MUC5AC: variants seen among roughly 807,000 people sequenced by gnomAD.
MUC5AC encodes the protein mucin-5AC.
In MUC5AC, 158 loss-of-function variants were observed where a neutral mutation model predicts 169.7. The observed-to-expected ratio is 0.93, with a 90% CI of 0.82 to 1.06. The LOEUF is 1.06. Ranked by LOEUF, MUC5AC falls within the 50% of genes least tolerant of loss-of-function variation. MUC5AC has a pLI of 0.00. For synonymous variants in MUC5AC, 1,975 were observed against 1,237.0 expected (o/e 1.60, Z -12.52); for missense variants, 4,359 against 3,089.9 (o/e 1.41, Z -9.74).
At chr11:1,173,135 C>G (rs1860588865) in intron 16 of MUC5AC, among the ~76,000 whole-genome samples, 1 of 152,170 alleles carries the variant, frequency 6.6e-6, no homozygotes, top group Non-Finnish European at 1.5e-5. Context: ...CTGACTCATT[C>G]ACTCATTTAC....
In MUC5AC at chr11:1,200,688, T is replaced by TC. The variant is rs750537293; in HGVS notation, c.16956dup (p.Met5653HisfsTer21). On this transcript the variant is annotated frameshift_variant, in exon 49 of 49. Coordinates refer to ENST00000621226, the MANE Select transcript of MUC5AC (RefSeq NM_001304359.2). LOFTEE classifies it high-confidence loss of function. The stretch of plus-strand genomic sequence containing the variant: ...GAGCTGGGAGAGAGGCGTCCCAGTG[T>TC]CCCCCATGCACTGACCAGCACTGCC... 8 of 757,988 alleles carry TC rather than the reference T, an allele frequency of 1.1e-5. No individual in the cohort carries two copies. The highest frequency in any genetic ancestry group is 2.4e-6 in the Non-Finnish European group (1 of 413,526). 47.0% of individuals were successfully genotyped at this position (757,988 alleles called of 1,614,324 possible).
chr11:1,182,439 G>C lies in MUC5AC; in HGVS notation c.4294G>C (p.Glu1432Gln). Residue 1432 changes from glutamate (E) to glutamine (Q), a missense_variant, in exon 31 of 49, where the codon GAG becomes CAG. Coordinates refer to ENST00000621226, the MANE Select transcript of MUC5AC (RefSeq NM_001304359.2). Reference sequence around the variant, plus strand: ...ACCCAGGTCGGTGGAGTGCCGAGCTGAGGACGCCCCCGGAGTGCCGCTCCG... The same window carrying C: ...ACCCAGGTCGGTGGAGTGCCGAGCTCAGGACGCCCCCGGAGTGCCGCTCCG... ...ESPRSVECRA[E>Q]DAPGVPLRAL... 2.5e-6 allele frequency: 1 copy of C among 398,682 alleles called. No homozygotes were observed. Among genetic ancestry groups the C allele is most frequent in the Non-Finnish European group, 4.4e-6 (1 of 226,106 alleles). The allele number at this position is 398,682 out of a possible 1,614,324, so 24.7% of individuals were successfully genotyped here.
chr11:1,186,636 G>C lies in MUC5AC; in HGVS notation c.8491G>C (p.Gly2831Arg). The C allele has an allele frequency of 1.4e-6, 1 of 731,890 alleles. No homozygotes were observed. The highest frequency in any genetic ancestry group is 2.5e-5 in the East Asian group (1 of 39,616). 45.3% of individuals were successfully genotyped at this position (731,890 alleles called of 1,614,324 possible). ...TSAPTTSTTS[G>R]PGTTSSPVPT... Reference sequence around the variant, plus strand: ...GGCTCCTACAACCAGCACAACTTCTGGTCCTGGAACTACTTCAAGCCCTGT... The same window carrying C: ...GGCTCCTACAACCAGCACAACTTCTCGTCCTGGAACTACTTCAAGCCCTGT... Residue 2831 changes from glycine (G) to arginine (R), a missense_variant, in exon 31 of 49, where the codon GGT becomes CGT. Gly to Arg is a moderately radical substitution (Grantham distance 125). Transcript: ENST00000621226.
chr11:1,192,881 C>T lies in MUC5AC; in HGVS notation c.14479C>T (p.Pro4827Ser), dbSNP rs1395405745. ...QVVRGVDSDC[P>S]STTLPPAPAT... ...GGTCAGAGGGGTTGACAGTGACTGT[C>T]CGTCCACCACGCTGCCTCCTGCCCC... Residue 4827 changes from proline to serine, a missense_variant, in exon 32 of 49, where the codon CCG becomes TCG. By Grantham distance (74) the Pro-to-Ser change is moderately conservative. Coordinates refer to ENST00000621226, the MANE Select transcript of MUC5AC (RefSeq NM_001304359.2). 2.6e-6 allele frequency: 2 copies of T among 764,608 alleles called. No individual in the cohort carries two copies. The highest frequency in any genetic ancestry group is 2.4e-6 in the Non-Finnish European group (1 of 417,744). 47.4% of individuals were successfully genotyped at this position (764,608 alleles called of 1,614,324 possible). A position where few individuals can be genotyped will look rare whatever the true frequency, so the allele number is the denominator to read the frequency against.
At chr11:1,176,086 T>G (rs1860679055) in intron 19 of MUC5AC, 65 bp from the exon 20 acceptor site, 4 of 384,018 alleles carry the variant, frequency 1.0e-5, no homozygotes, top group Non-Finnish European at 1.8e-5. Context: ...ACGTCCTCCC[T>G]GAACACATGT....
rs1861042892 is a variant in MUC5AC at position 1,189,737 on chromosome 11, C to G, written c.11592C>G (p.Thr3864=). 1.5e-6 allele frequency: 1 copy of G among 655,844 alleles called. No homozygotes were observed. Among genetic ancestry groups the G allele is most frequent in the Admixed American group, 2.2e-5 (1 of 46,284 alleles). 40.6% of individuals were successfully genotyped at this position (655,844 alleles called of 1,614,324 possible). The change falls in exon 31 of 49, where the codon ACC becomes ACG. Residue 3864 remains threonine, a synonymous_variant. Coordinates refer to ENST00000621226, the MANE Select transcript of MUC5AC (RefSeq NM_001304359.2). The part of the protein sequence containing the change: ...SISSAPTSST[T]SAPTASTISA... ...CCTCTGCCCCTACAAGCAGCACAAC[C>G]TCTGCTCCTACAGCCAGCACAATCT...
At chr11:1,175,911 A>C (rs1173376916) in intron 19 of MUC5AC, among the ~76,000 whole-genome samples, 1 of 138,132 alleles carries the variant, frequency 7.2e-6, no homozygotes, top group African/African-American at 2.8e-5. Flanking sequence ...ACATGCACAC[A>C]CACCCACTCA....
rs1433352066 is a variant in MUC5AC, at chr11:1,165,840, G to A, written c.1386+80G>A. ...TCCCACAGGCTCCCCCAGCTTGGCT[G>A]CATGTCACTGCTGCCCCTGGGGTCA... On this transcript the variant is annotated intron_variant, in intron 11 of 48. Transcript: ENST00000621226. The A allele has an allele frequency of 1.9e-6, 3 of 1,581,232 alleles. No homozygotes were observed. The African/African-American group carries it at 4.0e-5, about 21-fold the overall frequency.
Position 1,175,090 on chromosome 11 carries a change from C to T in MUC5AC, c.2301C>T (p.Gly767=), listed in dbSNP as rs1860639745. The T allele has an allele frequency of 2.5e-6, 1 of 399,462 alleles. No homozygotes were observed. The highest frequency in any genetic ancestry group is 6.3e-4 in the Middle Eastern group (1 of 1,598). 24.7% of individuals were successfully genotyped at this position (399,462 alleles called of 1,614,324 possible). A position where few individuals can be genotyped will look rare whatever the true frequency, so the allele number is the denominator to read the frequency against. ...QASNCPCYHR[G]SMIPNGESVH... is the part of the protein sequence containing the mutation. ...GCAACTGTCCCTGCTACCACAGAGG[C>T]TCCATGATCCCCAATGGGGAGTCGG... The change falls in exon 18 of 49, where the codon GGC becomes GGT. Residue 767 remains glycine, a synonymous_variant. Transcript: ENST00000621226.
At chr11:1,193,901 C>T (rs1861189294) in intron 33 of MUC5AC, among the ~76,000 whole-genome samples, 1 of 152,244 alleles carries the variant, frequency 6.6e-6, no homozygotes, top group African/African-American at 2.4e-5. Context: ...GAGTCTGTCC[C>T]TGCCTCGCTC....
chr11:1,193,105 C>T (rs887560296), intron 32 of MUC5AC, 123 bp downstream of exon 32: 13 of 594,030 alleles, frequency 2.2e-5, no homozygotes, highest in Admixed American at 5.7e-5. Flanking sequence ...GGAGGCAGCC[C>T]GGCCGTCAGG....
In MUC5AC at chr11:1,200,923, CCG is replaced by C. The variant is rs1185584291; in HGVS notation, c.*222_*223del. 5 of 434,272 alleles carry C rather than the reference CCG, an allele frequency of 1.2e-5. No individual in the cohort carries two copies. The highest frequency in any genetic ancestry group is 2.0e-5 in the Non-Finnish European group (5 of 244,202). 26.9% of individuals were successfully genotyped at this position (434,272 alleles called of 1,614,324 possible). On this transcript the variant is annotated 3_prime_UTR_variant, in exon 49 of 49. Coordinates refer to ENST00000621226, the MANE Select transcript of MUC5AC (RefSeq NM_001304359.2). ...CTGCAGCCACCTCTCAGGACCAGCC[CCG>C]GGGCTGGCCGAGCTCCTCTGGCCAT...
chr11:1,180,048 GA>G lies in MUC5AC; in HGVS notation c.3513del (p.Gly1172AlafsTer167). On this transcript the variant is annotated frameshift_variant, in exon 27 of 49. Coordinates refer to ENST00000621226, the MANE Select transcript of MUC5AC (RefSeq NM_001304359.2). LOFTEE classifies it high-confidence loss of function. Reference sequence around the variant, plus strand: ...TCTGTTCTGCGACTACTACAACCCCGAAGGCCAGTGCGAGTGGCACTACCAG... The same window carrying G: ...TCTGTTCTGCGACTACTACAACCCCGAGGCCAGTGCGAGTGGCACTACCAG... ...CPLFCDYYNP[E>X]GQCEWHYQPC... 2.5e-6 allele frequency: 1 copy of G among 398,926 alleles called. No homozygotes were observed. The highest frequency in any genetic ancestry group is 4.4e-6 in the Non-Finnish European group (1 of 226,224). The allele number at this position is 398,926 out of a possible 1,614,324, so 24.7% of individuals were successfully genotyped here.
At position 1,180,473 on chromosome 11, in the gene MUC5AC, C is replaced by T. The variant is rs1056073504; in HGVS notation, c.3733C>T (p.Arg1245Trp). ...GTGCCACGTCCATGGGAAGTCCTAC[C>T]GGCCAGGTGCAGTGGTGCCCTCGGA... ...PRCHVHGKSYRPGAVVPSDKN... is the reference protein window; with the variant it reads ...PRCHVHGKSYWPGAVVPSDKN... The change falls in exon 28 of 49, where the codon CGG becomes TGG. Residue 1245 changes from arginine (R) to tryptophan (W), a missense_variant. Coordinates refer to ENST00000621226, the MANE Select transcript of MUC5AC (RefSeq NM_001304359.2). 2.4e-4 allele frequency: 96 copies of T among 398,938 alleles called. No individual in the cohort carries two copies. Among genetic ancestry groups the T allele is most frequent in the Non-Finnish European group, 2.4e-4 (55 of 226,248 alleles). The allele number at this position is 398,938 out of a possible 1,614,324, so 24.7% of individuals were successfully genotyped here. A position where few individuals can be genotyped will look rare whatever the true frequency, so the allele number is the denominator to read the frequency against.
chr11:1,194,268 GGGC>G lies in MUC5AC; in HGVS notation c.14915_14917del (p.Gly4972_Leu4973delinsVal). 2 of 763,632 alleles carry G rather than the reference GGGC, an allele frequency of 2.6e-6. No homozygotes were observed. Among genetic ancestry groups the G allele is most frequent in the Non-Finnish European group, 4.8e-6 (2 of 417,396 alleles). 47.3% of individuals were successfully genotyped at this position (763,632 alleles called of 1,614,324 possible). A position where few individuals can be genotyped will look rare whatever the true frequency, so the allele number is the denominator to read the frequency against. On this transcript the variant is annotated inframe_deletion, in exon 34 of 49. Coordinates refer to ENST00000621226, the MANE Select transcript of MUC5AC (RefSeq NM_001304359.2). The stretch of plus-strand genomic sequence containing the variant: ...CAACTACTTCTGCGGTGCGGAGGAC[GGGC>G]TCTCCTGCCCGAGGTCCATCATCCT...
rs113882034 is a variant in MUC5AC at position 1,195,184 on chromosome 11, G to C, written c.15363G>C (p.Thr5121=). Residue 5121 remains threonine (T), a synonymous_variant, in exon 36 of 49, where the codon ACG becomes ACC. Coordinates refer to ENST00000621226, the MANE Select transcript of MUC5AC (RefSeq NM_001304359.2). ...TVGPTTVGST[T]VGPTTVGSTT... The stretch of plus-strand genomic sequence containing the variant: ...GGCCCACCACAGTTGGGTCTACCAC[G>C]GTCGGGCCCACCACAGTTGGGTCTA... 160 of 760,670 alleles carry C rather than the reference G, an allele frequency of 2.1e-4. 1 individual carries two copies. In the East Asian group the frequency reaches 3.9e-3, roughly 18 times the overall value. 47.1% of individuals were successfully genotyped at this position (760,670 alleles called of 1,614,324 possible).
intron 15 of MUC5AC, 133 bp from the exon 16 acceptor site, chr11:1,172,296 T>C: frequency 2.5e-6 from 1 of 397,768 alleles, no homozygotes; most frequent in Non-Finnish European, 4.4e-6. Flanking sequence ...GCTGAGTGTG[T>C]AGCAGGATGA....
At chr11:1,160,571 C>T in intron 1 of MUC5AC, 41 bp from the exon 2 acceptor site, 1 of 1,558,944 alleles carries the variant, frequency 6.4e-7, no homozygotes, top group Non-Finnish European at 8.7e-7. Flanking sequence ...GCCCCCTCAG[C>T]CACCCTGCAT....
rs1860187639 is a variant in MUC5AC at position 1,162,948 on chromosome 11, T to C, written c.589-7T>C. 1 of 1,611,980 alleles carries C rather than the reference T, an allele frequency of 6.2e-7. No homozygotes were observed. Among genetic ancestry groups the C allele is most frequent in the South Asian group, 1.1e-5 (1 of 91,080 alleles). On this transcript the variant is annotated splice_polypyrimidine_tract_variant and splice_region_variant and intron_variant, in intron 5 of 48. Transcript: ENST00000621226. Reference sequence around the variant, plus strand: ...GGGATGGGTGTCTGATGTCTCTCCCTTTGCAGCTGGAGCTGGACACCAAAT... The same window carrying C: ...GGGATGGGTGTCTGATGTCTCTCCCCTTGCAGCTGGAGCTGGACACCAAAT...
Sources: allele counts gnomAD v4.1 joint callset (sites outside exome capture counted in the v4.1 genomes callset), GRCh38; gene constraint gnomAD v4.1.1; transcripts MANE v1.5; gene names NCBI Gene and HGNC (gene_info 2026-07-23, HGNC 2026-07-21).